COTL1: variants seen among roughly 807,000 people sequenced by gnomAD.
COTL1 encodes coactosin like F-actin binding protein 1.
A neutral mutation model predicts 16.5 loss-of-function variants in COTL1; 15 were observed. The ratio of observed to expected loss-of-function variants is 0.91; its 90% CI spans 0.61 to 1.40. COTL1 has a LOEUF of 1.40. COTL1 is among the 40% of genes most tolerant of loss of function. The pLI, the probability that COTL1 is intolerant of heterozygous loss-of-function variation, is 0.00. For missense variants in COTL1, 220 were observed against 201.5 expected (o/e 1.09, Z -0.56); for synonymous variants, 112 against 85.3 (o/e 1.31, Z -1.73).
chr16:84,580,127 G>A (rs1172749240), intron 3 of COTL1, among the ~76,000 whole-genome samples: 1 of 152,228 alleles, frequency 6.6e-6, no homozygotes, highest in Admixed American at 6.5e-5. Context: ...GGAGTTTGGT[G>A]GAGGGCAGCC....
intron 3 of COTL1, 106 bp downstream of exon 3, chr16:84,589,999 T>G: frequency 8.7e-7 from 1 of 1,143,766 alleles, no homozygotes; most frequent in Non-Finnish European, 1.2e-6. Flanking sequence ...TTGTCCCAAG[T>G]CACAGCTAAG....
intron 2 of COTL1, chr16:84,616,613 C>T (rs1905492433): frequency 6.6e-6 from 1 of 152,270 alleles, no homozygotes; most frequent in Non-Finnish European, 1.5e-5. Context: ...TTGCTTCCAA[C>T]TAAAGACCAG....
At chr16:84,573,692 A>G (rs1904383533) in intron 3 of COTL1, among the ~76,000 whole-genome samples, 1 of 151,650 alleles carries the variant, frequency 6.6e-6, no homozygotes, top group African/African-American at 2.4e-5. Flanking sequence ...GTGAGCTTAG[A>G]TCGCACCATT....
chr16:84,578,901 A>G (rs1040130939), intron 3 of COTL1, among the ~76,000 whole-genome samples: 1 of 151,526 alleles, frequency 6.6e-6, no homozygotes, highest in Non-Finnish European at 1.5e-5. Context: ...GCATGCACAC[A>G]CAGACACATG....
chr16:84,569,325 A>C (rs1211475925), intron 3 of COTL1, among the ~76,000 whole-genome samples: 2 of 152,204 alleles, frequency 1.3e-5, no homozygotes, highest in African/African-American at 4.8e-5. Context: ...GTCTCAAAAT[A>C]AATAAATAAA....
intron 3 of COTL1, among the ~76,000 whole-genome samples, chr16:84,585,352 C>CAAA (rs1346710743): frequency 1.1e-5 from 1 of 94,534 alleles, no homozygotes; most frequent in African/African-American, 5.0e-5. Context: ...GAGATTGTCT[C>CAAA]CAAAAAAAAA....
In COTL1 at chr16:84,590,334, C is replaced by A; in HGVS notation, c.161-72G>T. The stretch of plus-strand genomic sequence containing the variant: ...CCCATGTCATGTCCCTGGGGAGAGG[C>A]TGTGAGCCACGAGTGCGCCTGGAGC... On this transcript the variant is annotated intron_variant, in intron 2 of 3. Coordinates refer to ENST00000262428, the MANE Select transcript of COTL1 (RefSeq NM_021149.5). The surrounding 1 kb of genome is among the most constrained non-coding windows in gnomAD (Gnocchi z 5.5). 6.4e-7 allele frequency: 1 copy of A among 1,556,022 alleles called. No individual in the cohort carries two copies. Among genetic ancestry groups the A allele is most frequent in the Non-Finnish European group, 8.7e-7 (1 of 1,143,066 alleles).
intron 3 of COTL1, among the ~76,000 whole-genome samples, chr16:84,585,398 C>T (rs1426722710): frequency 6.6e-6 from 1 of 151,282 alleles, no homozygotes; most frequent in Non-Finnish European, 1.5e-5. Flanking sequence ...AGTTCCTCCA[C>T]ATCAATGACC....
At chr16:84,611,760 A>C (rs1372794061) in intron 2 of COTL1, among the ~76,000 whole-genome samples, 1 of 152,234 alleles carries the variant, frequency 6.6e-6, no homozygotes, top group African/African-American at 2.4e-5. Flanking sequence ...CTTTTGGTTT[A>C]GTCTTGCTTT....
chr16:84,607,922 A>C (rs1249479253), intron 2 of COTL1, among the ~76,000 whole-genome samples: 1 of 152,214 alleles, frequency 6.6e-6, no homozygotes, highest in African/African-American at 2.4e-5. Context: ...CAGGAAGCAG[A>C]AGCAGCAGCA....
intron 2 of COTL1, among the ~76,000 whole-genome samples, chr16:84,593,678 A>G (rs1042368880): frequency 6.6e-6 from 1 of 151,702 alleles, no homozygotes. Flanking sequence ...CGCCCGGCTA[A>G]TTTTTTGTAT....
At chr16:84,613,076 C>T (rs113421553) in intron 2 of COTL1, among the ~76,000 whole-genome samples, 2,106 of 151,538 alleles carry the variant, frequency 0.014, 46 homozygotes, top group African/African-American at 0.049. Flanking sequence ...TCTCGGCTCA[C>T]TGCAACCTCT....
chr16:84,617,242 G>C (rs1450375292), intron 2 of COTL1, among the ~76,000 whole-genome samples: 1 of 152,216 alleles, frequency 6.6e-6, no homozygotes, highest in Non-Finnish European at 1.5e-5. Flanking sequence ...TGGACCGCAG[G>C]GGGCAAAAGA....
intron 2 of COTL1, among the ~76,000 whole-genome samples, chr16:84,592,238 T>C (rs1207326840): frequency 6.6e-6 from 1 of 152,240 alleles, no homozygotes; most frequent in Non-Finnish European, 1.5e-5. Flanking sequence ...GGATCACATA[T>C]CCTTATTCAG....
chr16:84,579,669 A>G (rs1263445334), intron 3 of COTL1, among the ~76,000 whole-genome samples: 1 of 152,212 alleles, frequency 6.6e-6, no homozygotes, highest in Non-Finnish European at 1.5e-5. Flanking sequence ...CCCTTTCGGC[A>G]AACCACAGCG....
chr16:84,584,805 C>G (rs1904679904), intron 3 of COTL1, among the ~76,000 whole-genome samples: 1 of 152,172 alleles, frequency 6.6e-6, no homozygotes, highest in African/African-American at 2.4e-5. Context: ...CTCATTTAAT[C>G]CCCACCACAA....
Position 84,617,846 on chromosome 16 carries a change from G to A in COTL1, c.69C>T (p.Ala23=), listed in dbSNP as rs144159131. 2.0e-5 allele frequency: 31 copies of A among 1,572,790 alleles called. No individual in the cohort carries two copies. Among genetic ancestry groups the A allele is most frequent in the Non-Finnish European group, 2.2e-5 (26 of 1,160,420 alleles). ...GAATGAAAAGTTCCTACCAGATGAC[G>A]GCCGAGCCGTCGTCGCGCACCAGGT... ...AYNLVRDDGS[A]VIWVTFKYDG... The change falls in exon 1 of 4, where the codon GCC becomes GCT. Residue 23 remains alanine (A), a synonymous_variant. Transcript: ENST00000262428.
intron 2 of COTL1, among the ~76,000 whole-genome samples, chr16:84,615,215 G>T (rs1413074093): frequency 6.6e-6 from 1 of 152,256 alleles, no homozygotes; most frequent in Non-Finnish European, 1.5e-5. Flanking sequence ...GCTGGGGAAA[G>T]AAAGCACTGC....
chr16:84,590,581 T>G lies in COTL1; in HGVS notation c.161-319A>C, dbSNP rs924738583. 1 of 210,192 alleles carries G rather than the reference T, an allele frequency of 4.8e-6. No homozygotes were observed. The highest frequency in any genetic ancestry group is 9.4e-6 in the Non-Finnish European group (1 of 106,118). The allele number at this position is 210,192 out of a possible 1,614,324, so 13.0% of individuals were successfully genotyped here. A position where few individuals can be genotyped will look rare whatever the true frequency, so the allele number is the denominator to read the frequency against. On this transcript the variant is annotated intron_variant, in intron 2 of 3. Coordinates refer to ENST00000262428, the MANE Select transcript of COTL1 (RefSeq NM_021149.5). This position sits in a 1 kb window ranked among gnomAD's most constrained non-coding sequence, Gnocchi z 5.5. Reference sequence around the variant, plus strand: ...TCATGCTGGGATTTAAACCCAGGCCTTTCTGGCTGCAACGCCTACAGCCTT... The same window carrying G: ...TCATGCTGGGATTTAAACCCAGGCCGTTCTGGCTGCAACGCCTACAGCCTT...
Sources: gnomAD v4.1 joint callset for allele counts (sites outside exome capture counted in the v4.1 genomes callset) on GRCh38, gnomAD v4.1.1 for gene constraint, Gnocchi (gnomAD v3.1) non-coding constraint, MANE v1.5 for transcripts, NCBI Gene and HGNC (gene_info 2026-07-23, HGNC 2026-07-21) for gene names.